The following HUWE1 variants were observed in gnomAD, a reference collection of about 807,000 sequenced individuals.
HUWE1 encodes the protein HECT, UBA and WWE domain containing E3 ubiquitin protein ligase 1.
Under a neutral mutation model 299.4 loss-of-function variants are expected in HUWE1, and 18 were observed. The ratio of observed to expected loss-of-function variants is 0.06; its 90% CI spans 0.04 to 0.09. The LOEUF (loss-of-function observed/expected upper bound fraction) is 0.09. Ranked by LOEUF, HUWE1 falls within the 10% of genes least tolerant of loss-of-function variation. HUWE1 has a pLI of 1.00. For synonymous variants in HUWE1, 1,317 were observed against 1,286.1 expected (o/e 1.02, Z -0.51); for missense variants, 1,832 against 3,462.3 (o/e 0.53, Z 11.82).
At chrX:53,629,436 C>A (rs1233765616) in intron 13 of HUWE1, 80 bp downstream of exon 13, 5 of 648,356 alleles carry the variant, frequency 7.7e-6, no homozygotes, top group Admixed American at 6.8e-5. Flanking sequence ...TCCCCTCCCC[C>A]CCCAAAAAAG....
At position 53,584,350 on chromosome X, in the gene HUWE1, G is replaced by T; in HGVS notation, c.5002-5C>A. The T allele has an allele frequency of 4.2e-6, 5 of 1,198,154 alleles. No homozygotes were observed. Among genetic ancestry groups the T allele is most frequent in the Non-Finnish European group, 5.7e-6 (5 of 884,515 alleles). On this transcript the variant is annotated splice_polypyrimidine_tract_variant and splice_region_variant and intron_variant, in intron 40 of 83. Coordinates refer to ENST00000262854, the MANE Select transcript of HUWE1 (RefSeq NM_031407.7). ...GTTCCCTGTTTCCTCATTAACCTAG[G>T]AATTCAAACAGACATTAAAAAAACC...
At chrX:53,577,287 AG>A (rs782385975) in intron 43 of HUWE1, among the ~76,000 whole-genome samples, 4 of 110,196 alleles carry the variant, frequency 3.6e-5, no homozygotes, top group Non-Finnish European at 5.7e-5. Flanking sequence ...GGCTTGAGTT[AG>A]AGAAAACTGG....
chrX:53,551,088 G>C lies in HUWE1; in HGVS notation c.9198C>G (p.Pro3066=). Residue 3066 remains proline, a synonymous_variant, in exon 65 of 84, where the codon CCC becomes CCG. Transcript: ENST00000262854. ...CTAGGACACTACGGCGCAGGTCTGA[G>C]GGCAGAGTCTGGATGAAGGTCACAG... ...MDPVTFIQTL[P]SDLRRSVLED... is the part of the protein sequence containing the mutation. 1.7e-6 allele frequency: 2 copies of C among 1,211,942 alleles called. No individual in the cohort carries two copies. The highest frequency in any genetic ancestry group is 2.2e-6 in the Non-Finnish European group (2 of 895,473).
intron 73 of HUWE1, chrX:53,542,987 G>A (rs782291759): frequency 5.8e-5 from 7 of 119,992 alleles, no homozygotes; most frequent in South Asian, 3.2e-4. Flanking sequence ...AACCTCTCAT[G>A]AGCGGGATTA....
At chrX:53,616,632 G>C (rs1201474707) in intron 21 of HUWE1, among the ~76,000 whole-genome samples, 2 of 111,673 alleles carry the variant, frequency 1.8e-5, no homozygotes, top group Non-Finnish European at 3.8e-5. Flanking sequence ...ATCTTAGAGA[G>C]TTGGACATCA....
chrX:53,682,843 C>T (rs1374139923), intron 2 of HUWE1, among the ~76,000 whole-genome samples: 1 of 111,178 alleles, frequency 9.0e-6, no homozygotes, highest in African/African-American at 3.3e-5. Context: ...GGAGAGTTAT[C>T]CTCTACAGCC....
chrX:53,568,979 CTTCT>C, intron 48 of HUWE1, 105 bp from the exon 49 acceptor site: 2 of 661,893 alleles, frequency 3.0e-6, no homozygotes, highest in Non-Finnish European at 4.7e-6. Context: ...TTTGTATTTC[CTTCT>C]GGAAATAACA....
chrX:53,683,174 G>A (rs2070272323), intron 2 of HUWE1, among the ~76,000 whole-genome samples: 1 of 111,060 alleles, frequency 9.0e-6, no homozygotes, highest in South Asian at 3.8e-4. Context: ...TAGAACTGGG[G>A]AAGGAGTCAC....
At chrX:53,585,261 G>C in intron 39 of HUWE1, 73 bp from the exon 40 acceptor site, 1 of 1,034,540 alleles carries the variant, frequency 9.7e-7, no homozygotes, top group Non-Finnish European at 1.3e-6. Context: ...CTTCATCAGT[G>C]TTCACTGCTA....
intron 80 of HUWE1, chrX:53,535,830 G>C: frequency 2.7e-6 from 1 of 368,218 alleles, no homozygotes; most frequent in Non-Finnish European, 4.7e-6. Context: ...TAGGAGAAGA[G>C]TAACCTTAAC....
chrX:53,552,882 G>A lies in HUWE1; in HGVS notation c.8506C>T (p.Pro2836Ser). 8.3e-7 allele frequency: 1 copy of A among 1,211,413 alleles called. No homozygotes were observed. The highest frequency in any genetic ancestry group is 3.0e-5 in the East Asian group (1 of 33,825). The change falls in exon 62 of 84, where the codon CCA (proline) becomes TCA (serine). Residue 2836 changes from proline to serine, a missense_variant. Physicochemically the swap from Pro to Ser is moderately conservative, Grantham distance 74. Transcript: ENST00000262854. The stretch of plus-strand genomic sequence containing the variant: ...GCATCAGAATCCTCAGCTCTCTCTG[G>A]GGAAAGTGAGGCTAGGAAGAAGTTG... ...SPAPTITSLS[P>S]ERAEDSDALT...
intron 43 of HUWE1, among the ~76,000 whole-genome samples, chrX:53,578,706 C>G (rs1479512724): frequency 2.1e-4 from 16 of 76,014 alleles, no homozygotes; most frequent in Non-Finnish European, 2.8e-4. Flanking sequence ...CCTGGCCAGC[C>G]GCCCCGTCCG....
intron 80 of HUWE1, 169 bp downstream of exon 80, chrX:53,535,978 C>A: frequency 2.9e-5 from 5 of 169,836 alleles, no homozygotes; most frequent in Non-Finnish European, 3.3e-5. Context: ...CCTGCAAATT[C>A]TGGTTTTCCT....
At chrX:53,621,716 T>A (rs1377970622) in intron 19 of HUWE1, among the ~76,000 whole-genome samples, 2 of 111,600 alleles carry the variant, frequency 1.8e-5, no homozygotes, top group African/African-American at 6.5e-5. Context: ...CTCAACCTGA[T>A]AGATTGTATC....
intron 49 of HUWE1, among the ~76,000 whole-genome samples, chrX:53,567,318 T>G (rs192521939): frequency 1.8e-5 from 2 of 111,344 alleles, no homozygotes; most frequent in East Asian, 5.6e-4. Flanking sequence ...AAAAAATTGA[T>G]AGGTTTGTAG....
rs182498023 is a variant in HUWE1, at chrX:53,534,221, C to T, written c.12832-24G>A. 569 of 1,170,912 alleles carry T rather than the reference C, an allele frequency of 4.9e-4. No individual in the cohort carries two copies. The highest frequency in any genetic ancestry group is 6.2e-4 in the Non-Finnish European group (534 of 860,872). On this transcript the variant is annotated intron_variant, in intron 82 of 83. Transcript: ENST00000262854. ...ATCTGTAGGAAGGGACCCATGAAGC[C>T]AGTGTTAGGTAGAAAGCTCCTAGAA...
chrX:53,588,288 T>G, intron 37 of HUWE1, 94 bp downstream of exon 37: 1 of 944,159 alleles, frequency 1.1e-6, no homozygotes, highest in South Asian at 2.1e-5. Context: ...CATGCCTTAT[T>G]CTTCGCTTTA....
At chrX:53,534,811 C>G in intron 81 of HUWE1, 114 bp from the exon 82 acceptor site, 1 of 620,564 alleles carries the variant, frequency 1.6e-6, no homozygotes, top group Admixed American at 2.9e-5. Context: ...AGGCATGCAC[C>G]ACCACAACTG....
chrX:53,679,258 G>C (rs1351322318), intron 3 of HUWE1, among the ~76,000 whole-genome samples: 1 of 110,352 alleles, frequency 9.1e-6, no homozygotes, highest in Non-Finnish European at 1.9e-5. Flanking sequence ...GCTTTCTCAG[G>C]ATCCTGATTC....
Sources: gnomAD v4.1 joint callset for allele counts (sites outside exome capture counted in the v4.1 genomes callset) on GRCh38, gnomAD v4.1.1 for gene constraint, MANE v1.5 for transcripts, NCBI Gene and HGNC (gene_info 2026-07-23, HGNC 2026-07-21) for gene names.